COL10A1: variants seen among roughly 807,000 people sequenced by gnomAD.
COL10A1 encodes the protein collagen type X alpha 1 chain.
Under a neutral mutation model 18.2 loss-of-function variants are expected in COL10A1, and 10 were observed. The observed-to-expected ratio is 0.55, with a 90% CI of 0.34 to 0.93. The LOEUF is 0.93. Ranked by LOEUF, COL10A1 falls within the 40% of genes least tolerant of loss-of-function variation. COL10A1 has a pLI of 0.02. For missense variants in COL10A1, 897 were observed against 853.5 expected (o/e 1.05, Z -0.64); for synonymous variants, 330 against 316.6 (o/e 1.04, Z -0.45).
upstream of COL10A1, among the ~76,000 whole-genome samples, chr6:116,129,108 C>T (rs1003356556): frequency 6.6e-6 from 1 of 151,988 alleles, no homozygotes; most frequent in Non-Finnish European, 1.5e-5. Flanking sequence ...TATATTTTTC[C>T]AGAAGAGAAG....
chr6:116,124,351 T>G (rs1262296645), intron 2 of COL10A1, among the ~76,000 whole-genome samples: 3 of 152,158 alleles, frequency 2.0e-5, no homozygotes, highest in African/African-American at 4.8e-5. Flanking sequence ...TGTAGATATT[T>G]TATAGGCGGT....
chr6:116,159,739 A>G (rs1325928884), upstream of COL10A1, among the ~76,000 whole-genome samples: 1 of 152,202 alleles, frequency 6.6e-6, no homozygotes, highest in Non-Finnish European at 1.5e-5. Flanking sequence ...AATAGTGAAC[A>G]CTGTACCAAG....
intron 1 of COL10A1, among the ~76,000 whole-genome samples, chr6:116,135,861 A>G (rs1035731272): frequency 8.1e-6 from 1 of 123,574 alleles, no homozygotes; most frequent in Non-Finnish European, 1.6e-5. Flanking sequence ...ATATATATAT[A>G]TATATATATA....
chr6:116,178,110 CGT>C, the COL10A1 span, among the ~76,000 whole-genome samples: 21,809 of 116,544 alleles, frequency 0.19, 1,923 homozygotes, highest in Middle Eastern at 0.28. Flanking sequence ...CGCGTGCGTG[CGT>C]GTGTGTGTGT....
Position 116,120,103 on chromosome 6 carries a change from A to G in COL10A1, c.2013T>C (p.Ser671=). The G allele has an allele frequency of 6.2e-7, 1 of 1,614,122 alleles. No individual in the cohort carries two copies. The highest frequency in any genetic ancestry group is 8.5e-7 in the Non-Finnish European group (1 of 1,179,996). ...TTGGAGCCACTAGGAATCCTGAGAA[A>G]GAGGAGTGGACATACTCAGAGGAGT... ...GLYSSEYVHS[S]FSGFLVAPM is the part of the protein sequence containing the mutation. The change falls in exon 3 of 3, where the codon TCT becomes TCC. Residue 671 remains serine, a synonymous_variant. Coordinates refer to ENST00000651968, the MANE Select transcript of COL10A1 (RefSeq NM_000493.4).
chr6:116,131,521 A>G (rs1232812173), intron 1 of COL10A1, among the ~76,000 whole-genome samples: 1 of 152,156 alleles, frequency 6.6e-6, no homozygotes, highest in Non-Finnish European at 1.5e-5. Context: ...AACAGTTTAT[A>G]TTGGAGATCA....
At chr6:116,182,237 G>GTGTGTGTGTGTA in the COL10A1 span, among the ~76,000 whole-genome samples, 96 of 151,668 alleles carry the variant, frequency 6.3e-4, 3 homozygotes, top group East Asian at 8.3e-3. Context: ...GTGTGTGTGT[G>GTGTGTGTGTGTA]TGTGTGTGTG....
chr6:116,123,522 G>A (rs1320141263), intron 2 of COL10A1, among the ~76,000 whole-genome samples: 1 of 152,234 alleles, frequency 6.6e-6, no homozygotes, highest in Non-Finnish European at 1.5e-5. Flanking sequence ...CTGCCCACCA[G>A]CTGTGGAATC....
the COL10A1 span, among the ~76,000 whole-genome samples, chr6:116,193,505 A>T: frequency 6.6e-6 from 1 of 152,080 alleles, no homozygotes; most frequent in Non-Finnish European, 1.5e-5. Context: ...GTTACTTTGT[A>T]AAATGGAGAA....
chr6:116,194,351 G>A, the COL10A1 span, among the ~76,000 whole-genome samples: 42 of 152,086 alleles, frequency 2.8e-4, 1 homozygote, highest in Admixed American at 2.6e-3. Flanking sequence ...AGAGTAAACA[G>A]ATTATTTACC....
chr6:116,137,595 A>C, intron 1 of COL10A1: 1 of 214,448 alleles, frequency 4.7e-6, no homozygotes, highest in East Asian at 1.1e-4. Flanking sequence ...GGGTTGGAAC[A>C]CTGGATCCCC....
the COL10A1 span, among the ~76,000 whole-genome samples, chr6:116,185,200 A>G: frequency 7.2e-5 from 11 of 152,100 alleles, no homozygotes; most frequent in South Asian, 8.3e-4. Flanking sequence ...TTGATTTCCA[A>G]TTTTATCCAC....
intron 2 of COL10A1, 21 bp from the exon 3 acceptor site, chr6:116,121,982 A>C: frequency 6.3e-7 from 1 of 1,598,224 alleles, no homozygotes; most frequent in Non-Finnish European, 8.5e-7. Flanking sequence ...CACCCAACAC[A>C]CCCACCCATA....
intron 2 of COL10A1, among the ~76,000 whole-genome samples, chr6:116,124,234 T>C (rs547845924): frequency 6.6e-6 from 1 of 152,224 alleles, no homozygotes; most frequent in East Asian, 1.9e-4. Flanking sequence ...AAAAGCATAA[T>C]ATTTAAACTT....
chr6:116,150,576 C>G (rs532808466), intron 1 of COL10A1, among the ~76,000 whole-genome samples: 54 of 152,306 alleles, frequency 3.5e-4, no homozygotes, highest in South Asian at 6.2e-4. Flanking sequence ...TGAGTCACTG[C>G]ACCTGGCCTT....
At chr6:116,154,052 C>CA (rs1436610046) in intron 1 of COL10A1, among the ~76,000 whole-genome samples, 3 of 133,168 alleles carry the variant, frequency 2.3e-5, no homozygotes, top group African/African-American at 8.5e-5. Context: ...TTTTTTGAGA[C>CA]AGAGTCTGGT....
In COL10A1 at chr6:116,156,604, G is replaced by T. The variant is rs1780202271; in HGVS notation, c.-16+2010C>A. On this transcript the variant is annotated intron_variant, in intron 1 of 1. Transcript: ENST00000418500. ...AAAGCATAAGGAAGTCTTCGTGGAG[G>T]CAATGGTAATTTAGAGTTTCCTTGA... Among the ~76,000 whole-genome samples the T allele has an allele frequency of 2.0e-5, 3 of 152,206 alleles. No homozygotes were observed. In the South Asian group the frequency reaches 6.2e-4, roughly 32 times the overall value.
upstream of COL10A1, among the ~76,000 whole-genome samples, chr6:116,126,476 T>C (rs1779315602): frequency 6.6e-6 from 1 of 152,166 alleles, no homozygotes; most frequent in African/African-American, 2.4e-5. Context: ...TTGGTTGATA[T>C]TATATAATAT....
At chr6:116,188,921 A>G in the COL10A1 span, among the ~76,000 whole-genome samples, 3 of 152,016 alleles carry the variant, frequency 2.0e-5, no homozygotes, top group Admixed American at 1.3e-4. Flanking sequence ...CTTCACTACC[A>G]TTTTGCAGAG....
Sources: gnomAD v4.1 joint callset for allele counts (sites outside exome capture counted in the v4.1 genomes callset) on GRCh38, gnomAD v4.1.1 for gene constraint, MANE v1.5 for transcripts, NCBI Gene and HGNC (gene_info 2026-07-23, HGNC 2026-07-21) for gene names.